Variants in ARNT observed in about 807,000 individuals in gnomAD.
The protein encoded by ARNT is aryl hydrocarbon receptor nuclear translocator.
Under a neutral mutation model 105.0 loss-of-function variants are expected in ARNT, and 30 were observed. The observed-to-expected ratio is 0.29, with a 90% CI of 0.21 to 0.39. ARNT has a LOEUF of 0.39. Among genes scored for constraint, ARNT ranks in the 10% least tolerant of loss-of-function variants. The pLI, the probability that ARNT is intolerant of heterozygous loss-of-function variation, is 1.00. For synonymous variants in ARNT, 304 were observed against 344.0 expected (o/e 0.88, Z 1.29); for missense variants, 748 against 978.7 (o/e 0.76, Z 3.15).
Position 150,871,907 on chromosome 1 carries a change from CAAAAAAAAAA to C in ARNT, c.25+4626_25+4635del, listed in dbSNP as rs776523588. Among the ~76,000 whole-genome samples the C allele has an allele frequency of 6.4e-3, 256 of 40,102 alleles. 3 individuals are homozygous for C. Among genetic ancestry groups the C allele is most frequent in the Admixed American group, 0.013 (34 of 2,532 alleles). The allele number at this position is 40,102 out of a possible 152,430, so 26.3% of individuals were successfully genotyped here. On this transcript the variant is annotated intron_variant, in intron 1 of 21. Coordinates refer to ENST00000358595, the MANE Select transcript of ARNT (RefSeq NM_001668.4). Reference sequence around the variant, plus strand: ...TGGGCGACACAGTAAGACCCTGTCTCAAAAAAAAAAAAAAAAAAAAAAAAAGGCCTTTGCA... The same window carrying C: ...TGGGCGACACAGTAAGACCCTGTCTCAAAAAAAAAAAAAAAGGCCTTTGCA...
chr1:150,818,082 GA>G (rs1557856465), intron 14 of ARNT, 52 bp from the exon 15 acceptor site: 3 of 1,044,582 alleles, frequency 2.9e-6, no homozygotes, highest in Admixed American at 2.2e-5. Context: ...AGGAAGGGGG[GA>G]GAGAGAGAGA....
intron 2 of ARNT, among the ~76,000 whole-genome samples, chr1:150,856,492 G>A (rs1664637323): frequency 6.6e-6 from 1 of 151,964 alleles, no homozygotes; most frequent in South Asian, 2.1e-4. Flanking sequence ...GCCGGGCATG[G>A]TGGCTCATGC....
Position 150,814,232 on chromosome 1 carries a change from G to C in ARNT, c.1958C>G (p.Ala653Gly). The C allele has an allele frequency of 6.2e-7, 1 of 1,613,982 alleles. No homozygotes were observed. The highest frequency in any genetic ancestry group is 1.1e-5 in the South Asian group (1 of 91,078). ...ACGAGTCTTAGCAGTAGCCTGGGTA[G>C]CCACCTGCTAAAGAGAGATGGAGAG... is the stretch of plus-strand genomic sequence containing the variant. The part of the protein sequence containing the change: ...TRSGFSAQQV[A>G]TQATAKTRTS... The change falls in exon 20 of 22, where the codon GCT becomes GGT. Residue 653 changes from alanine (A) to glycine (G), a missense_variant. Coordinates refer to ENST00000358595, the MANE Select transcript of ARNT (RefSeq NM_001668.4).
At chr1:150,829,766 T>C in intron 11 of ARNT, 138 bp downstream of exon 11, 1 of 891,524 alleles carries the variant, frequency 1.1e-6, no homozygotes, top group Non-Finnish European at 1.7e-6. Context: ...TCACTATAAA[T>C]GCCATATTCC....
chr1:150,832,569 G>A (rs1417242711), intron 8 of ARNT, among the ~76,000 whole-genome samples, 170 bp from the exon 9 acceptor site: 1 of 152,148 alleles, frequency 6.6e-6, no homozygotes. Flanking sequence ...AAAACTTTTA[G>A]AATTTGAAGT....
At chr1:150,875,787 G>A (rs1668147177) in intron 1 of ARNT, among the ~76,000 whole-genome samples, 1 of 152,174 alleles carries the variant, frequency 6.6e-6, no homozygotes, top group Non-Finnish European at 1.5e-5. Context: ...TTGAGAAATG[G>A]TGTGGAATCA....
chr1:150,817,305 G>A, intron 16 of ARNT, 56 bp downstream of exon 16: 4 of 1,611,400 alleles, frequency 2.5e-6, no homozygotes, highest in Non-Finnish European at 3.4e-6. Context: ...TAGTACCGGA[G>A]AACACTTCCT....
At chr1:150,873,417 A>G (rs1667786504) in intron 1 of ARNT, among the ~76,000 whole-genome samples, 1 of 152,220 alleles carries the variant, frequency 6.6e-6, no homozygotes, top group East Asian at 1.9e-4. Flanking sequence ...GAACTAGTGA[A>G]AAATGATAGA....
intron 14 of ARNT, among the ~76,000 whole-genome samples, chr1:150,821,529 A>G (rs183672646): frequency 6.6e-6 from 1 of 152,366 alleles, no homozygotes; most frequent in East Asian, 1.9e-4. Flanking sequence ...TACAGTATAT[A>G]CTATAGTTAA....
Position 150,836,362 on chromosome 1 carries a change from G to A in ARNT, c.618C>T (p.Gly206=). ...VLNQPQSEWF[G]STLYDQVHPD... ...GGTGCACCTGATCATAGAGTGTGCTGCCAAACCATTCAGACTGTGGCTGGT... is the reference window on the plus strand; with the variant it reads ...GGTGCACCTGATCATAGAGTGTGCTACCAAACCATTCAGACTGTGGCTGGT... The change falls in exon 7 of 22, where the codon GGC becomes GGT. Residue 206 remains glycine, a synonymous_variant. Coordinates refer to ENST00000358595, the MANE Select transcript of ARNT (RefSeq NM_001668.4). 1 of 1,614,104 alleles carries A rather than the reference G, an allele frequency of 6.2e-7. No individual in the cohort carries two copies. The highest frequency in any genetic ancestry group is 8.5e-7 in the Non-Finnish European group (1 of 1,180,026).
chr1:150,839,203 G>T (rs1227117657), intron 6 of ARNT, among the ~76,000 whole-genome samples: 1 of 152,116 alleles, frequency 6.6e-6, no homozygotes, highest in African/African-American at 2.4e-5. Flanking sequence ...CATCCTATAT[G>T]CTATATTCAT....
At chr1:150,876,313 C>CG (rs1571576018) in intron 1 of ARNT, among the ~76,000 whole-genome samples, 1 of 152,134 alleles carries the variant, frequency 6.6e-6, no homozygotes, top group East Asian at 1.9e-4. Context: ...GGACAGGGAG[C>CG]CCCCCTCAAC....
At chr1:150,819,153 C>T (rs767386898) in intron 14 of ARNT, among the ~76,000 whole-genome samples, 6 of 151,642 alleles carry the variant, frequency 4.0e-5, no homozygotes, top group Admixed American at 6.6e-5. Flanking sequence ...GGATTCAAGG[C>T]CAATTCTACA....
At position 150,831,917 on chromosome 1, in the gene ARNT, A is replaced by G; in HGVS notation, c.870-14T>C. ...CCAAGTCCATTCCTAGAAGAGTTAC[A>G]GGAGTTTGAAAAAAAAAAAAAAAAT... On this transcript the variant is annotated splice_polypyrimidine_tract_variant and intron_variant, in intron 9 of 21. Transcript: ENST00000358595. 2.1e-6 allele frequency: 3 copies of G among 1,431,960 alleles called. No homozygotes were observed. The highest frequency in any genetic ancestry group is 1.9e-6 in the Non-Finnish European group (2 of 1,049,356). 88.7% of individuals were successfully genotyped at this position (1,431,960 alleles called of 1,614,324 possible).
At chr1:150,859,726 C>G (rs1031279419) in intron 1 of ARNT, among the ~76,000 whole-genome samples, 1 of 152,072 alleles carries the variant, frequency 6.6e-6, no homozygotes, top group African/African-American at 2.4e-5. Flanking sequence ...AAAAGAGGTG[C>G]AGGCTGGGCA....
chr1:150,848,857 T>C (rs28733210), intron 3 of ARNT, among the ~76,000 whole-genome samples: 2,114 of 152,220 alleles, frequency 0.014, 55 homozygotes, highest in African/African-American at 0.048. Context: ...AAAATACACT[T>C]ATATTACTTT....
chr1:150,864,868 T>A (rs1368919536), intron 1 of ARNT, among the ~76,000 whole-genome samples: 2 of 131,590 alleles, frequency 1.5e-5, no homozygotes, highest in African/African-American at 2.8e-5. Flanking sequence ...GAAAACAAAA[T>A]GGTTTTCTTT....
chr1:150,818,725 G>A (rs1400120594), intron 14 of ARNT, among the ~76,000 whole-genome samples: 1 of 147,706 alleles, frequency 6.8e-6, no homozygotes, highest in East Asian at 2.0e-4. Flanking sequence ...CTCCAGCCTG[G>A]GTGACAGAGT....
chr1:150,867,661 G>C (rs1439214594), intron 1 of ARNT, among the ~76,000 whole-genome samples: 1 of 152,168 alleles, frequency 6.6e-6, no homozygotes, highest in East Asian at 1.9e-4. Flanking sequence ...GGCTCTGTGT[G>C]TCTCCACCCA....
Sources: gnomAD v4.1 joint callset for allele counts (sites outside exome capture counted in the v4.1 genomes callset) on GRCh38, gnomAD v4.1.1 for gene constraint, MANE v1.5 for transcripts, NCBI Gene and HGNC (gene_info 2026-07-23, HGNC 2026-07-21) for gene names.